The following C1QTNF9B variants were observed in gnomAD, a reference collection of about 807,000 sequenced individuals.
C1QTNF9B encodes the protein complement C1q and tumor necrosis factor-related protein 9B.
In C1QTNF9B, 9 loss-of-function variants were observed where a neutral mutation model predicts 10.1. The observed-to-expected ratio is 0.89, with a 90% CI of 0.53 to 1.55. The LOEUF (loss-of-function observed/expected upper bound fraction) is 1.55. C1QTNF9B is among the 40% of genes most tolerant of loss of function. The pLI is 0.00. For synonymous variants in C1QTNF9B, 79 were observed against 159.9 expected (o/e 0.49, Z 3.82); for missense variants, 196 against 414.4 (o/e 0.47, Z 4.58).
intron 1 of C1QTNF9B, 128 bp from the exon 4 acceptor site, chr13:23,894,329 C>T (rs1593221771): frequency 2.2e-6 from 2 of 897,192 alleles, no homozygotes; most frequent in East Asian, 5.4e-5. Flanking sequence ...ACTCTGTCCT[C>T]CACACGAGCG....
chr13:23,893,135 C>T (rs578001160), intron 2 of C1QTNF9B, among the ~76,000 whole-genome samples: 48 of 152,304 alleles, frequency 3.2e-4, no homozygotes, highest in Admixed American at 9.2e-4. Context: ...GGACGTCAGA[C>T]GAGCTAGTGA....
intron 2 of C1QTNF9B, among the ~76,000 whole-genome samples, chr13:23,893,128 C>T (rs562841928): frequency 1.3e-5 from 2 of 152,312 alleles, no homozygotes; most frequent in Non-Finnish European, 1.5e-5. Flanking sequence ...GCACACAGGA[C>T]GTCAGACGAG....
chr13:23,895,756 TACACACACAC>T (rs71185099), intron 1 of C1QTNF9B, among the ~76,000 whole-genome samples: 1 of 146,592 alleles, frequency 6.8e-6, no homozygotes, highest in Admixed American at 6.7e-5. Flanking sequence ...GACACAGACA[TACACACACAC>T]ACACACACAC....
intron 2 of C1QTNF9B, 22 bp from the exon 5 acceptor site, chr13:23,892,083 A>G (rs1872020308): frequency 3.7e-6 from 6 of 1,609,898 alleles, no homozygotes; most frequent in Non-Finnish European, 5.1e-6. Context: ...AAGAGCAAAT[A>G]AAGAGATAGT....
chr13:23,895,658 C>CA (rs1872174158), intron 1 of C1QTNF9B, among the ~76,000 whole-genome samples: 1 of 152,026 alleles, frequency 6.6e-6, no homozygotes, highest in Non-Finnish European at 1.5e-5. Context: ...TATTTTGTAT[C>CA]ACCTATTTAT....
At chr13:23,893,658 C>T (rs1377645015) in intron 2 of C1QTNF9B, among the ~76,000 whole-genome samples, 1 of 152,040 alleles carries the variant, frequency 6.6e-6, no homozygotes, top group African/African-American at 2.4e-5. Flanking sequence ...TTTGTATAGA[C>T]AAAGTCTTAC....
At position 23,894,536 on chromosome 13, in the gene C1QTNF9B, C is replaced by G. The variant is rs149562661; in HGVS notation, c.167-335G>C. 944 of 567,602 alleles carry G rather than the reference C, an allele frequency of 1.7e-3. 6 individuals carry two copies. The highest frequency in any genetic ancestry group is 0.014 in the African/African-American group (781 of 54,324). 35.2% of individuals were successfully genotyped at this position (567,602 alleles called of 1,614,324 possible). A position where few individuals can be genotyped will look rare whatever the true frequency, so the allele number is the denominator to read the frequency against. On this transcript the variant is annotated intron_variant, in intron 1 of 2. Transcript: ENST00000382137. Reference sequence around the variant, plus strand: ...AATTGATTGTGTTCCTCTCCTGCGACAAGGACTTGGGACGTGGTCTGAATG... The same window carrying G: ...AATTGATTGTGTTCCTCTCCTGCGAGAAGGACTTGGGACGTGGTCTGAATG...
intron 2 of C1QTNF9B, among the ~76,000 whole-genome samples, chr13:23,892,298 G>A (rs9510926): frequency 0.2 from 30,059 of 151,638 alleles, 3,672 homozygotes; most frequent in East Asian, 0.45. Flanking sequence ...AGACCATCCC[G>A]GCCAACATAG....
rs71185099 is a variant in C1QTNF9B, at chr13:23,895,756, T to TACACACACACAC, written c.166+1053_166+1064dup. Among the ~76,000 whole-genome samples, 133 of 146,680 alleles carry TACACACACACAC rather than the reference T, an allele frequency of 9.1e-4. 2 individuals are homozygous for TACACACACACAC. Among genetic ancestry groups the TACACACACACAC allele is most frequent in the East Asian group, 4.0e-4 (2 of 4,978 alleles). Reference sequence around the variant, plus strand: ...AATAAAATACACACAGACACAGACATACACACACACACACACACACACACA... The same window carrying TACACACACACAC: ...AATAAAATACACACAGACACAGACATACACACACACACACACACACACACACACACACACACA... On this transcript the variant is annotated intron_variant, in intron 1 of 2. Transcript: ENST00000382137.
rs1480283922 is a variant in C1QTNF9B, at chr13:23,891,223, A to C, written c.*66T>G. ...TTGGAGGAATTAATAAAGTAAAACC[A>C]TCTGAATAAGTTCATCCCAAGCTGA... On this transcript the variant is annotated 3_prime_UTR_variant, in exon 3 of 3. Coordinates refer to ENST00000382137, the Ensembl canonical transcript of C1QTNF9B. The C allele has an allele frequency of 3.7e-6, 5 of 1,345,802 alleles. No homozygotes were observed. The East Asian group carries it at 1.2e-4, about 32-fold the overall frequency. The allele number at this position is 1,345,802 out of a possible 1,614,324, so 83.4% of individuals were successfully genotyped here.
intron 1 of C1QTNF9B, 66 bp downstream of exon 3, chr13:23,896,755 T>C (rs1872216600): frequency 6.3e-7 from 1 of 1,596,316 alleles, no homozygotes; most frequent in Middle Eastern, 1.7e-4. Flanking sequence ...ACACAGATGA[T>C]GAGTGAATGA....
rs146563034 is a variant in C1QTNF9B at position 23,894,162 on chromosome 13, G to A, written c.206C>T (p.Thr69Met). ...ACCTCGTTCTCCCTTCTCTCCACTC[G>A]TCCCATCCTTCCCCGGGCTGCCAGG... Residue 69 changes from threonine to methionine, a missense_variant, in exon 2 of 3, where the codon ACG becomes ATG. This residue lies in a region of C1QTNF9B where 48 missense variants were observed against 148.5 expected (regional missense o/e 0.32). Coordinates refer to ENST00000382137, the Ensembl canonical transcript of C1QTNF9B. The A allele has an allele frequency of 5.4e-4, 834 of 1,539,394 alleles. 22 individuals are homozygous for A. The African/African-American group carries it at 8.7e-3, about 16-fold the overall frequency.
chr13:23,891,252 TGATG>T (rs1442373295), exon 3 of C1QTNF9B: 1 of 1,454,942 alleles, frequency 6.9e-7, no homozygotes, highest in Non-Finnish European at 9.2e-7. Flanking sequence ...AAGCTGATTC[TGATG>T]GATGGTCTGG....
At chr13:23,895,381 A>G (rs1164961454) in intron 1 of C1QTNF9B, among the ~76,000 whole-genome samples, 2 of 152,174 alleles carry the variant, frequency 1.3e-5, no homozygotes, top group Non-Finnish European at 1.5e-5. Context: ...TTGGTATAAA[A>G]CATACACAAA....
intron 2 of C1QTNF9B, among the ~76,000 whole-genome samples, chr13:23,892,865 A>G (rs7325450): frequency 0.39 from 58,969 of 151,234 alleles, 11,210 homozygotes; most frequent in African/African-American, 0.45. Context: ...GCAGAGACAG[A>G]CAGATTAACT....
chr13:23,892,726 A>T (rs1384903225), intron 2 of C1QTNF9B, among the ~76,000 whole-genome samples: 1 of 152,106 alleles, frequency 6.6e-6, no homozygotes, highest in Non-Finnish European at 1.5e-5. Context: ...CACACATCCC[A>T]ACACACCTTT....
At chr13:23,897,421 C>T, upstream of C1QTNF9B, 1 of 191,346 alleles carries the variant, frequency 5.2e-6, no homozygotes, top group Non-Finnish European at 1.1e-5. Context: ...GCATTACCAT[C>T]TGATCCAGCA....
intron 2 of C1QTNF9B, among the ~76,000 whole-genome samples, chr13:23,893,306 G>A (rs1428909300): frequency 6.6e-6 from 1 of 152,132 alleles, no homozygotes; most frequent in African/African-American, 2.4e-5. Context: ...ACCAGTTCTA[G>A]TGCCACCTCC....
At chr13:23,891,932 G>A (rs2137563033) in exon 3 of C1QTNF9B, 1 of 1,614,032 alleles carries the variant, frequency 6.2e-7, no homozygotes, top group Middle Eastern at 1.7e-4. Context: ...CTGCCCCTGA[G>A]GCCCAGTCTC....
Sources: allele counts gnomAD v4.1 joint callset (sites outside exome capture counted in the v4.1 genomes callset), GRCh38; gene constraint gnomAD v4.1.1; regional missense constraint gnomAD v4.1.1; transcripts MANE v1.5; gene names NCBI Gene and HGNC (gene_info 2026-07-23, HGNC 2026-07-21).